FBXO15: variants seen among roughly 807,000 people sequenced by gnomAD.
FBXO15 encodes F-box protein 15.
A neutral mutation model predicts 49.5 loss-of-function variants in FBXO15; 30 were observed. That is an observed-to-expected ratio of 0.61 (90% CI 0.45 to 0.82). The LOEUF is 0.82. Among genes scored for constraint, FBXO15 ranks in the 40% least tolerant of loss-of-function variants. The probability of loss-of-function intolerance (pLI) is 0.00; values close to 1 mark genes in which losing one functional copy is unlikely to be tolerated. For synonymous variants in FBXO15, 250 were observed against 232.7 expected (o/e 1.07, Z -0.68); for missense variants, 591 against 631.5 (o/e 0.94, Z 0.69).
chr18:74,073,743 C>A lies in FBXO15; in HGVS notation c.1264-13G>T, dbSNP rs548198543. ...TCATGGAACAACTCTGCAAAATAAA[C>A]ACAGATTGACAAGGATAAAAAGGCC... On this transcript the variant is annotated splice_polypyrimidine_tract_variant and intron_variant, in intron 9 of 9. Coordinates refer to ENST00000419743, the MANE Select transcript of FBXO15 (RefSeq NM_001142958.2). 1 of 1,599,336 alleles carries A rather than the reference C, an allele frequency of 6.3e-7. No individual in the cohort carries two copies. The highest frequency in any genetic ancestry group is 2.2e-5 in the East Asian group (1 of 44,680).
intron 8 of FBXO15, among the ~76,000 whole-genome samples, chr18:74,086,742 A>C (rs1278164980): frequency 6.6e-6 from 1 of 152,238 alleles, no homozygotes; most frequent in African/African-American, 2.4e-5. Flanking sequence ...GTATTTTAAT[A>C]GAAACTATAT....
intron 8 of FBXO15, among the ~76,000 whole-genome samples, chr18:74,119,744 T>G (rs557422283): frequency 4.0e-5 from 6 of 149,876 alleles, no homozygotes; most frequent in African/African-American, 1.2e-4. Context: ...GGAGCTAGAG[T>G]GGGGAGGACA....
chr18:74,120,784 C>A (rs1255299000), intron 8 of FBXO15, among the ~76,000 whole-genome samples: 1 of 151,662 alleles, frequency 6.6e-6, no homozygotes, highest in African/African-American at 2.4e-5. Flanking sequence ...AAAATTACAA[C>A]ATAAGCAGAA....
intron 8 of FBXO15, among the ~76,000 whole-genome samples, chr18:74,101,054 T>C (rs1343893727): frequency 1.3e-5 from 2 of 152,264 alleles, no homozygotes; most frequent in East Asian, 1.9e-4. Context: ...CAGATCATTC[T>C]ATGAAGCCAG....
intron 9 of FBXO15, among the ~76,000 whole-genome samples, chr18:74,079,984 T>G (rs1912422618): frequency 1.3e-5 from 2 of 152,262 alleles, no homozygotes; most frequent in African/African-American, 2.4e-5. Context: ...GCCTATGCTC[T>G]GACAGGCATC....
intron 8 of FBXO15, among the ~76,000 whole-genome samples, chr18:74,118,422 A>ATGTGTG (rs1394378642): frequency 1.3e-5 from 2 of 151,894 alleles, no homozygotes; most frequent in African/African-American, 4.8e-5. Flanking sequence ...ACATATATAT[A>ATGTGTG]TATATGTGTA....
chr18:74,086,571 T>A (rs370570045), intron 8 of FBXO15, among the ~76,000 whole-genome samples: 1 of 152,148 alleles, frequency 6.6e-6, no homozygotes, highest in East Asian at 1.9e-4. Flanking sequence ...CCACCACGCC[T>A]GACTAATTTT....
Position 74,083,550 on chromosome 18 carries a change from G to T in FBXO15, c.1139-1499C>A, listed in dbSNP as rs188199772. Among the ~76,000 whole-genome samples the T allele has an allele frequency of 3.1e-3, 469 of 152,318 alleles. 2 individuals are homozygous for T. Among genetic ancestry groups the T allele is most frequent in the African/African-American group, 0.011 (451 of 41,560 alleles). The stretch of plus-strand genomic sequence containing the variant: ...AAACCAGGAGCTCATCTTCCACACA[G>T]CTTGTCCCCAGGACACGGCAGAAAA... On this transcript the variant is annotated intron_variant, in intron 8 of 9. Coordinates refer to ENST00000419743, the MANE Select transcript of FBXO15 (RefSeq NM_001142958.2).
chr18:74,135,656 C>T, intron 3 of FBXO15, 106 bp downstream of exon 3: 2 of 845,244 alleles, frequency 2.4e-6, no homozygotes, highest in South Asian at 1.8e-5. Context: ...TGTAAAAATA[C>T]TCTTGAATTC....
At chr18:74,113,709 ATAC>A (rs1467984098) in intron 8 of FBXO15, among the ~76,000 whole-genome samples, 2 of 152,242 alleles carry the variant, frequency 1.3e-5, no homozygotes, top group African/African-American at 4.8e-5. Flanking sequence ...ACTGATAAAA[ATAC>A]TACAACATAC....
chr18:74,135,597 C>T (rs1568180829), intron 3 of FBXO15, among the ~76,000 whole-genome samples, 165 bp downstream of exon 3: 2 of 152,106 alleles, frequency 1.3e-5, no homozygotes, highest in Non-Finnish European at 2.9e-5. Flanking sequence ...CATATAAATG[C>T]AAATATTTGA....
At chr18:74,100,440 C>T (rs1000692223) in intron 8 of FBXO15, among the ~76,000 whole-genome samples, 3 of 151,934 alleles carry the variant, frequency 2.0e-5, no homozygotes, top group African/African-American at 7.3e-5. Flanking sequence ...GTTCATAGCC[C>T]TAAATCCCTA....
rs1024447828 is a variant in FBXO15 at position 74,075,677 on chromosome 18, C to T, written c.1264-1947G>A. Among the ~76,000 whole-genome samples, 3 of 152,204 alleles carry T rather than the reference C, an allele frequency of 2.0e-5. No homozygotes were observed. Among genetic ancestry groups the T allele is most frequent in the South Asian group, 2.1e-4 (1 of 4,834 alleles). On this transcript the variant is annotated intron_variant, in intron 9 of 9. Coordinates refer to ENST00000419743, the MANE Select transcript of FBXO15 (RefSeq NM_001142958.2). The surrounding 1 kb of genome is among the most constrained non-coding windows in gnomAD (Gnocchi z 4.1). ...TTGATAAGGCCACTAAATCCAGTGA[C>T]CATCTGTCAGTCTGCTTCTCAGCAG... is the stretch of plus-strand genomic sequence containing the variant.
At chr18:74,127,277 T>C (rs1468835060) in intron 5 of FBXO15, among the ~76,000 whole-genome samples, 1 of 152,216 alleles carries the variant, frequency 6.6e-6, no homozygotes, top group African/African-American at 2.4e-5. Context: ...TTAAATAGAC[T>C]CTGGGAATGT....
chr18:74,080,121 G>A (rs573366011), intron 9 of FBXO15, among the ~76,000 whole-genome samples: 1 of 152,072 alleles, frequency 6.6e-6, no homozygotes, highest in Admixed American at 6.5e-5. Flanking sequence ...TTATGTCCAT[G>A]CTTTAAAAAA....
At chr18:74,137,966 A>G (rs141462838) in intron 2 of FBXO15, among the ~76,000 whole-genome samples, 2 of 152,138 alleles carry the variant, frequency 1.3e-5, no homozygotes, top group African/African-American at 4.8e-5. Flanking sequence ...CCGATGGAGA[A>G]TGCTCACTTC....
chr18:74,136,036 AC>A (rs1204417846), intron 2 of FBXO15, among the ~76,000 whole-genome samples, 170 bp from the exon 3 acceptor site: 2 of 152,334 alleles, frequency 1.3e-5, no homozygotes, highest in South Asian at 2.1e-4. Flanking sequence ...CTTTATTGAA[AC>A]GTTCTGGTTA....
intron 8 of FBXO15, among the ~76,000 whole-genome samples, chr18:74,084,660 C>T (rs1599135680): frequency 6.6e-6 from 1 of 152,164 alleles, no homozygotes; most frequent in African/African-American, 2.4e-5. Context: ...TACCAATACA[C>T]AAGACCATCT....
intron 7 of FBXO15, 134 bp from the exon 8 acceptor site, chr18:74,123,644 C>CTATAT (rs1227897134): frequency 1.0e-6 from 1 of 957,484 alleles, no homozygotes; most frequent in East Asian, 2.7e-5. Flanking sequence ...CATAGGATTC[C>CTATAT]CTATAATCTT....
Sources: allele counts gnomAD v4.1 joint callset (sites outside exome capture counted in the v4.1 genomes callset), GRCh38; gene constraint gnomAD v4.1.1; non-coding constraint Gnocchi (gnomAD v3.1); transcripts MANE v1.5; gene names NCBI Gene and HGNC (gene_info 2026-07-23, HGNC 2026-07-21).